The following PSIP1 variants were observed in gnomAD, a reference collection of about 807,000 sequenced individuals.
PSIP1 encodes PC4 and SFRS1-interacting protein.
PSIP1 carries 19 observed loss-of-function variants against 74.7 expected under a neutral mutation model. The observed-to-expected ratio is 0.25, with a 90% confidence interval of 0.18 to 0.37. The LOEUF (loss-of-function observed/expected upper bound fraction) is 0.37. Ranked by LOEUF, PSIP1 falls within the 10% of genes least tolerant of loss-of-function variation. The pLI is 1.00. For missense variants in PSIP1, 601 were observed against 614.3 expected, an observed-to-expected ratio of 0.98 and a Z score of 0.23; for synonymous variants, 222 against 195.3, an observed-to-expected ratio of 1.14 and a Z score of -1.14.
At chr9:15,501,901 G>T (rs955650277) in intron 3 of PSIP1, among the ~76,000 whole-genome samples, 3 of 143,124 alleles carry the variant, frequency 2.1e-5, no homozygotes, top group African/African-American at 8.3e-5. Context: ...TTAAATCTGG[G>T]GTCTCCAGCC....
intron 6 of PSIP1, among the ~76,000 whole-genome samples, chr9:15,483,208 T>C (rs768249219): frequency 6.6e-5 from 10 of 152,156 alleles, no homozygotes; most frequent in Non-Finnish European, 1.0e-4. Context: ...CAGAACAATA[T>C]ATATATCTCT....
chr9:15,497,095 A>C (rs1252604958), intron 3 of PSIP1, among the ~76,000 whole-genome samples: 1 of 152,216 alleles, frequency 6.6e-6, no homozygotes, highest in Non-Finnish European at 1.5e-5. Flanking sequence ...TTCACAAAAA[A>C]ACTTGGACAC....
At chr9:15,490,272 C>A in intron 3 of PSIP1, 148 bp from the exon 4 acceptor site, 1 of 709,136 alleles carries the variant, frequency 1.4e-6, no homozygotes. Context: ...TTAATAATTC[C>A]AAATACTTTT....
chr9:15,490,021 C>T lies in PSIP1; in HGVS notation c.253G>A (p.Asp85Asn), dbSNP rs750699133. The T allele has an allele frequency of 6.3e-7, 1 of 1,588,914 alleles. No individual in the cohort carries two copies. The highest frequency in any genetic ancestry group is 8.5e-7 in the Non-Finnish European group (1 of 1,170,836). Residue 85 changes from aspartate (D) to asparagine (N), a missense_variant, in exon 4 of 16, where the codon GAT becomes AAT. Asp to Asn is a conservative substitution (Grantham distance 23). Transcript: ENST00000380733. ...KGFNEGLWEIDNNPKVKFSSQ... is the reference protein window; with the variant it reads ...KGFNEGLWEINNNPKVKFSSQ... ...GAAAATTTCACTTTTGGATTGTTATCTATCTCCCATAAACCTTCATTAAAA... is the reference window on the plus strand; with the variant it reads ...GAAAATTTCACTTTTGGATTGTTATTTATCTCCCATAAACCTTCATTAAAA...
At chr9:15,487,399 A>T (rs1434134696) in intron 4 of PSIP1, among the ~76,000 whole-genome samples, 1 of 151,948 alleles carries the variant, frequency 6.6e-6, no homozygotes, top group Admixed American at 6.6e-5. Flanking sequence ...GTTCAAGACC[A>T]GCCTGGCTAA....
chr9:15,473,926 ACAAAAAAAAAAC>A lies in PSIP1; in HGVS notation c.858+71_858+82del, dbSNP rs2035958826. The stretch of plus-strand genomic sequence containing the variant: ...AAACAAAAAAAAAACAAAAAAAAAA[ACAAAAAAAAAAC>A]AAAGAAAAAACAAAAAATATATATA... On this transcript the variant is annotated intron_variant, in intron 9 of 15. Coordinates refer to ENST00000380733, the MANE Select transcript of PSIP1 (RefSeq NM_033222.5). 9.1e-6 allele frequency: 7 copies of A among 768,978 alleles called. No individual in the cohort carries two copies. The African/African-American group carries it at 1.6e-4, about 18-fold the overall frequency. The allele number at this position is 768,978 out of a possible 1,614,324, so 47.6% of individuals were successfully genotyped here. A position where few individuals can be genotyped will look rare whatever the true frequency, so the allele number is the denominator to read the frequency against.
At chr9:15,507,161 G>C (rs1384021952) in intron 2 of PSIP1, among the ~76,000 whole-genome samples, 2 of 152,214 alleles carry the variant, frequency 1.3e-5, no homozygotes, top group African/African-American at 2.4e-5. Context: ...ACTATGAAAA[G>C]ATCCTTCACT....
rs1025195022 is a variant in PSIP1 at position 15,478,336 on chromosome 9, A to T, written c.629+141T>A. ...AATTTTTACTTTACAAAATTTTCCC[A>T]GTTTTTCCTGTAATTTTAAGAAAGA... On this transcript the variant is annotated intron_variant, in intron 8 of 15. Coordinates refer to ENST00000380733, the MANE Select transcript of PSIP1 (RefSeq NM_033222.5). 3.8e-5 allele frequency: 27 copies of T among 703,634 alleles called. No homozygotes were observed. The Admixed American group carries it at 8.1e-4, about 21-fold the overall frequency. The allele number at this position is 703,634 out of a possible 1,614,324, so 43.6% of individuals were successfully genotyped here.
chr9:15,490,147 G>C (rs2036755463), intron 3 of PSIP1, 23 bp from the exon 4 acceptor site: 1 of 1,558,366 alleles, frequency 6.4e-7, no homozygotes, highest in Admixed American at 2.1e-5. Flanking sequence ...TGGGGAAGAT[G>C]TGAGTGCAAA....
At position 15,466,864 on chromosome 9, in the gene PSIP1, C is replaced by A. The variant is rs754506620; in HGVS notation, c.1421-5G>T. 1.2e-6 allele frequency: 2 copies of A among 1,601,412 alleles called. No homozygotes were observed. The highest frequency in any genetic ancestry group is 1.7e-6 in the Non-Finnish European group (2 of 1,173,462). ...CTCCATTTAGAGTCTTTGACCCTTG[C>A]GAAGGAATCCAATGGAAAAACTTTG... On this transcript the variant is annotated splice_region_variant and splice_polypyrimidine_tract_variant and intron_variant, in intron 14 of 15. Transcript: ENST00000380733.
intron 3 of PSIP1, among the ~76,000 whole-genome samples, chr9:15,498,618 G>T (rs925057360): frequency 2.0e-4 from 31 of 152,088 alleles, no homozygotes; most frequent in African/African-American, 7.2e-4. Context: ...ACCTTGTGCA[G>T]CTGTGGTTCT....
chr9:15,487,038 AC>A, intron 4 of PSIP1, 107 bp from the exon 5 acceptor site: 1 of 647,336 alleles, frequency 1.5e-6, no homozygotes, highest in Non-Finnish European at 2.4e-6. Context: ...TCACTCTATC[AC>A]CCAGGCTGGA....
At position 15,510,202 on chromosome 9, in the gene PSIP1, G is replaced by C. The variant is rs377343668; in HGVS notation, c.-14C>G. ...ATCGCGAGTCATGTTTCGGGGGCGA[G>C]ACCGGGGGTCCGAAGCCCGGGAGGC... On this transcript the variant is annotated 5_prime_UTR_variant, in exon 2 of 16. Transcript: ENST00000380733. The C allele has an allele frequency of 6.7e-5, 108 of 1,601,082 alleles. No homozygotes were observed. In the African/African-American group the frequency reaches 1.3e-3, roughly 19 times the overall value.
rs778900659 is a variant in PSIP1, at chr9:15,471,676, A to C, written c.977+956T>G. Reference sequence around the variant, plus strand: ...TTTAAATTACTCCCTCAAGGAGCTAAAACTACTTGTATATCCTCCAAACTA... The same window carrying C: ...TTTAAATTACTCCCTCAAGGAGCTACAACTACTTGTATATCCTCCAAACTA... On this transcript the variant is annotated intron_variant, in intron 10 of 15. Transcript: ENST00000380733. The C allele has an allele frequency of 3.1e-6, 3 of 959,042 alleles. No homozygotes were observed. The African/African-American group carries it at 5.3e-5, about 17-fold the overall frequency. The allele number at this position is 959,042 out of a possible 1,614,324, so 59.4% of individuals were successfully genotyped here. A position where few individuals can be genotyped will look rare whatever the true frequency, so the allele number is the denominator to read the frequency against.
At chr9:15,480,199 T>A (rs1185012468) in intron 6 of PSIP1, among the ~76,000 whole-genome samples, 2 of 152,154 alleles carry the variant, frequency 1.3e-5, no homozygotes, top group African/African-American at 4.8e-5. Context: ...TGGCCCCAAA[T>A]GAGAATCAGT....
chr9:15,504,584 A>C (rs1282543298), intron 3 of PSIP1, among the ~76,000 whole-genome samples: 1 of 152,044 alleles, frequency 6.6e-6, no homozygotes, highest in South Asian at 2.1e-4. Context: ...AAAAATACAA[A>C]AAATTAGCCT....
At chr9:15,488,809 C>G (rs948586252) in intron 4 of PSIP1, among the ~76,000 whole-genome samples, 1 of 151,922 alleles carries the variant, frequency 6.6e-6, no homozygotes, top group Non-Finnish European at 1.5e-5. Flanking sequence ...ATCACAAGGT[C>G]AGGAGATCGA....
At chr9:15,493,682 T>C (rs958194229) in intron 3 of PSIP1, among the ~76,000 whole-genome samples, 1 of 152,152 alleles carries the variant, frequency 6.6e-6, no homozygotes, top group Admixed American at 6.6e-5. Flanking sequence ...CGGCAGAAGG[T>C]ACCTCTTCAC....
intron 8 of PSIP1, among the ~76,000 whole-genome samples, chr9:15,476,860 A>G (rs1203329115): frequency 6.6e-6 from 1 of 152,228 alleles, no homozygotes; most frequent in Non-Finnish European, 1.5e-5. Flanking sequence ...CTGGGCCCTC[A>G]GATCACTATG....
Sources: gnomAD v4.1 joint callset for allele counts (sites outside exome capture counted in the v4.1 genomes callset) on GRCh38, gnomAD v4.1.1 for gene constraint, MANE v1.5 for transcripts, NCBI Gene and HGNC (gene_info 2026-07-23, HGNC 2026-07-21) for gene names.